Variants in SLC47A2 observed in about 807,000 individuals in gnomAD.
SLC47A2 encodes solute carrier family 47 member 2.
A neutral mutation model predicts 67.7 loss-of-function variants in SLC47A2; 52 were observed. The ratio of observed to expected loss-of-function variants is 0.77; its 90% CI spans 0.61 to 0.97. The LOEUF (loss-of-function observed/expected upper bound fraction) is 0.97. Among genes scored for constraint, SLC47A2 ranks in the 50% least tolerant of loss-of-function variants. The pLI is 0.00. For synonymous variants in SLC47A2, 278 were observed against 292.9 expected (o/e 0.95, Z 0.52); for missense variants, 676 against 712.3 (o/e 0.95, Z 0.58).
chr17:19,714,030 C>A, intron 3 of SLC47A2, 57 bp from the exon 4 acceptor site: 1 of 1,563,998 alleles, frequency 6.4e-7, no homozygotes, highest in Non-Finnish European at 8.7e-7. Flanking sequence ...ATTCCTAAAT[C>A]CCGCGCGGGG....
At chr17:19,702,230 T>C (rs2152349299) in intron 13 of SLC47A2, 1 of 985,312 alleles carries the variant, frequency 1.0e-6, no homozygotes, top group Non-Finnish European at 1.2e-6. Context: ...CTTGTAGAAA[T>C]GTCCCTCTGT....
At chr17:19,702,810 C>CACGG in intron 12 of SLC47A2, 136 bp from the exon 13 acceptor site, 1 of 1,019,622 alleles carries the variant, frequency 9.8e-7, no homozygotes. Context: ...ATGTAACTGG[C>CACGG]ACTGCTAGCC....
At chr17:19,704,894 C>T (rs1350862958) in intron 10 of SLC47A2, 3 of 450,712 alleles carry the variant, frequency 6.7e-6, no homozygotes, top group East Asian at 3.5e-5. Context: ...GGCACGATCT[C>T]GGCTCACTGC....
chr17:19,705,590 T>A, intron 9 of SLC47A2, 87 bp from the exon 10 acceptor site: 1 of 1,265,728 alleles, frequency 7.9e-7, no homozygotes, highest in Non-Finnish European at 1.1e-6. Context: ...CTTTGGGGAC[T>A]CAGGGGCTTT....
rs577096340 is a variant in SLC47A2, at chr17:19,688,569, G to A, written c.1165-6899C>T. ...AAAGGAAATCAAATTATCCTTGTTC[G>A]CAGGTGATATCATCTTTTTTGTTTG... On this transcript the variant is annotated intron_variant, in intron 13 of 16. Transcript: ENST00000433844. Among the ~76,000 whole-genome samples the A allele has an allele frequency of 1.4e-4, 22 of 152,228 alleles. No homozygotes were observed. In the South Asian group the frequency reaches 2.1e-3, roughly 14 times the overall value.
chr17:19,716,206 G>A, intron 1 of SLC47A2: 1 of 608,800 alleles, frequency 1.6e-6, no homozygotes, highest in Non-Finnish European at 2.7e-6. Flanking sequence ...CCTTCTGTGT[G>A]GGGGCTGCCT....
chr17:19,693,669 G>A (rs1351004084), intron 13 of SLC47A2, among the ~76,000 whole-genome samples: 7 of 151,730 alleles, frequency 4.6e-5, no homozygotes, highest in African/African-American at 1.2e-4. Flanking sequence ...ACGGAGTTGC[G>A]TGCCTGTAGT....
chr17:19,706,832 G>A (rs1422860442), intron 8 of SLC47A2, 71 bp from the exon 9 acceptor site: 6 of 1,241,034 alleles, frequency 4.8e-6, no homozygotes, highest in African/African-American at 4.6e-5. Flanking sequence ...CCCACTGCCA[G>A]GAGGCCCCTA....
chr17:19,691,079 C>T (rs938907929), intron 13 of SLC47A2, among the ~76,000 whole-genome samples: 1 of 151,224 alleles, frequency 6.6e-6, no homozygotes, highest in Non-Finnish European at 1.5e-5. Flanking sequence ...GCCGAGATTG[C>T]GCTATTGTAC....
At chr17:19,707,559 C>A (rs952368656) in intron 8 of SLC47A2, among the ~76,000 whole-genome samples, 187 bp downstream of exon 8, 1 of 152,272 alleles carries the variant, frequency 6.6e-6, no homozygotes, top group Non-Finnish European at 1.5e-5. Context: ...CATCGTGACA[C>A]CTTGGGTGGA....
chr17:19,712,607 G>T, intron 5 of SLC47A2, 96 bp downstream of exon 5: 1 of 1,341,720 alleles, frequency 7.5e-7, no homozygotes, highest in Non-Finnish European at 1.1e-6. Context: ...GGAAGTCACA[G>T]CAGGATAGGG....
chr17:19,710,014 TG>T (rs2086053036), intron 5 of SLC47A2, among the ~76,000 whole-genome samples: 1 of 152,052 alleles, frequency 6.6e-6, no homozygotes, highest in Non-Finnish European at 1.5e-5. Flanking sequence ...GGCAGAGAGG[TG>T]GGTGTGGCTG....
At chr17:19,704,414 G>A (rs2085872225) in intron 10 of SLC47A2, among the ~76,000 whole-genome samples, 1 of 152,260 alleles carries the variant, frequency 6.6e-6, no homozygotes. Context: ...TGCGCCATCA[G>A]AAGCAGCACA....
intron 5 of SLC47A2, among the ~76,000 whole-genome samples, chr17:19,709,192 G>A (rs749495006): frequency 1.6e-4 from 24 of 152,238 alleles, no homozygotes; most frequent in Non-Finnish European, 2.9e-4. Flanking sequence ...CTTCGGACGA[G>A]GGAATGGCAG....
intron 10 of SLC47A2, chr17:19,704,606 A>G: frequency 6.8e-7 from 1 of 1,465,836 alleles, no homozygotes; most frequent in Non-Finnish European, 9.1e-7. Flanking sequence ...GATTTTTGTG[A>G]CTCCTTTGCT....
chr17:19,703,326 C>T (rs1355831927), intron 11 of SLC47A2, among the ~76,000 whole-genome samples, 159 bp from the exon 12 acceptor site: 1 of 152,214 alleles, frequency 6.6e-6, no homozygotes, highest in African/African-American at 2.4e-5. Context: ...GCATCTGAGG[C>T]GTTCATTTGG....
intron 13 of SLC47A2, among the ~76,000 whole-genome samples, chr17:19,700,904 A>AGCG (rs2085768483): frequency 6.6e-6 from 1 of 151,922 alleles, no homozygotes; most frequent in African/African-American, 2.4e-5. Flanking sequence ...GGTGGCTCAC[A>AGCG]CCTGTAATCC....
chr17:19,710,166 C>G (rs1224283687), intron 5 of SLC47A2, among the ~76,000 whole-genome samples: 1 of 152,152 alleles, frequency 6.6e-6, no homozygotes, highest in Non-Finnish European at 1.5e-5. Context: ...GTAGGGCTGT[C>G]TAGCACACAG....
At chr17:19,684,864 T>C (rs983385111) in intron 13 of SLC47A2, among the ~76,000 whole-genome samples, 1 of 152,122 alleles carries the variant, frequency 6.6e-6, no homozygotes, top group Non-Finnish European at 1.5e-5. Flanking sequence ...CATCTCCCTC[T>C]TTCTACGGTC....
Sources: gnomAD v4.1 joint callset for allele counts (sites outside exome capture counted in the v4.1 genomes callset) on GRCh38, gnomAD v4.1.1 for gene constraint, MANE v1.5 for transcripts, NCBI Gene and HGNC (gene_info 2026-07-23, HGNC 2026-07-21) for gene names.